BAZ2A: variants seen among roughly 807,000 people sequenced by gnomAD.
BAZ2A encodes bromodomain adjacent to zinc finger domain protein 2A.
Under a neutral mutation model 199.9 loss-of-function variants are expected in BAZ2A, and 34 were observed. The ratio of observed to expected loss-of-function variants is 0.17; its 90% CI spans 0.13 to 0.23. The LOEUF (loss-of-function observed/expected upper bound fraction) is 0.23, where lower values mean the gene tolerates loss of function less well. BAZ2A is among the 10% of genes least tolerant of loss of function. The probability of loss-of-function intolerance (pLI) is 1.00; values close to 1 mark genes in which losing one functional copy is unlikely to be tolerated. For synonymous variants in BAZ2A, 857 were observed against 883.9 expected (o/e 0.97, Z 0.54); for missense variants, 2,002 against 2,391.1 (o/e 0.84, Z 3.39).
chr12:56,622,201 G>A (rs964000677), intron 1 of BAZ2A, among the ~76,000 whole-genome samples: 1 of 152,100 alleles, frequency 6.6e-6, no homozygotes, highest in Non-Finnish European at 1.5e-5. Flanking sequence ...TTAGCTGGGC[G>A]TGGTGGCGGG....
rs1305972151 is a variant in BAZ2A at position 56,599,348 on chromosome 12, C to G, written c.5183G>C (p.Gly1728Ala). The G allele has an allele frequency of 6.2e-7, 1 of 1,612,778 alleles. No homozygotes were observed. Among genetic ancestry groups the G allele is most frequent in the Non-Finnish European group, 8.5e-7 (1 of 1,179,646 alleles). Residue 1728 changes from glycine (G) to alanine (A), a missense_variant, in exon 27 of 29, where the codon GGA (glycine) becomes GCA (alanine). Around this residue, in one of 6 missense-constraint regions of BAZ2A, gnomAD observed 122 missense variants for 123.0 expected, o/e 0.99. Transcript: ENST00000549884. ...GAAACCAGGCTTCTGAGTGAATTCT[C>G]CCTCCACCTGCTTAGTATAGGAAAC... ...CTVCLAQQVEGEFTQKPGFPK... is the reference protein window; with the variant it reads ...CTVCLAQQVEAEFTQKPGFPK...
In BAZ2A at chr12:56,599,294, C is replaced by T. The variant is rs200068250; in HGVS notation, c.5237G>A (p.Gly1746Asp). ...ACCCTCTGAGAAGTTCAGCGAATAA[C>T]CACTTTTCCGCTTCTGGCCACGCTT... Reference protein sequence around the residue: ...FPKRGQKRKSGYSLNFSEGDG... With the variant: ...FPKRGQKRKSDYSLNFSEGDG... Residue 1746 changes from glycine to aspartate, a missense_variant, in exon 27 of 29, where the codon GGT (glycine) becomes GAT (aspartate). Physicochemically the swap from Gly to Asp is moderately conservative, Grantham distance 94. Transcript: ENST00000549884. 2.4e-4 allele frequency: 386 copies of T among 1,613,682 alleles called. 2 individuals carry two copies. The African/African-American group carries it at 3.8e-3, about 16-fold the overall frequency.
intron 2 of BAZ2A, among the ~76,000 whole-genome samples, chr12:56,616,324 G>C: frequency 6.6e-6 from 1 of 152,138 alleles, no homozygotes; most frequent in Non-Finnish European, 1.5e-5. Context: ...TTCGCTAGGG[G>C]CCCCCTTTCC....
chr12:56,610,476 C>G lies in BAZ2A; in HGVS notation c.1712G>C (p.Trp571Ser), dbSNP rs1245306256. Reference sequence around the variant, plus strand: ...GCCATAATACCAGGTCTCCCCCTGCCATCGGTGGCTGCCCTTCTTGATGCG... The same window carrying G: ...GCCATAATACCAGGTCTCCCCCTGCGATCGGTGGCTGCCCTTCTTGATGCG... ...EVRIKKGSHR[W>S]QGETWYYGPC... The change falls in exon 8 of 29, where the codon TGG becomes TCG. Residue 571 changes from tryptophan (W) to serine (S), a missense_variant. Trp to Ser is a radical substitution (Grantham distance 177). Around this residue, in one of 6 missense-constraint regions of BAZ2A, gnomAD observed 641 missense variants for 694.5 expected, o/e 0.92. Transcript: ENST00000549884. 1 of 1,613,744 alleles carries G rather than the reference C, an allele frequency of 6.2e-7. No homozygotes were observed. The highest frequency in any genetic ancestry group is 8.5e-7 in the Non-Finnish European group (1 of 1,179,790).
chr12:56,618,104 C>T (rs147656594), intron 1 of BAZ2A, among the ~76,000 whole-genome samples: 4 of 152,250 alleles, frequency 2.6e-5, no homozygotes, highest in African/African-American at 9.6e-5. Flanking sequence ...AAGGAGAATA[C>T]ATTTCAGGAA....
Position 56,606,266 on chromosome 12 carries a change from T to A in BAZ2A, c.2240A>T (p.Glu747Val). 1 of 1,614,038 alleles carries A rather than the reference T, an allele frequency of 6.2e-7. No homozygotes were observed. ...ACCTACCTTGGATTTCTTCTTAGCT[T>A]CCTTCTGCTTTAAGCTCTTGGTCTC... ...KQETKSLKQK[E>V]AKKKSKAEKE... Residue 747 changes from glutamate (E) to valine (V), a missense_variant, in exon 12 of 29, where the codon GAA becomes GTA. Around this residue, in one of 6 missense-constraint regions of BAZ2A, gnomAD observed 1,081 missense variants for 1,274.7 expected, o/e 0.85. Coordinates refer to ENST00000549884, the MANE Select transcript of BAZ2A (RefSeq NM_001300905.2).
chr12:56,604,353 G>A (rs1327239159), intron 15 of BAZ2A, 62 bp from the exon 16 acceptor site: 1 of 1,502,194 alleles, frequency 6.7e-7, no homozygotes, highest in Non-Finnish European at 9.1e-7. Flanking sequence ...GAGGCTCAAG[G>A]GTAAAGGGGC....
chr12:56,617,408 G>C lies in BAZ2A; in HGVS notation c.123C>G (p.Pro41=). The change falls in exon 2 of 29, where the codon CCC becomes CCG. Residue 41 remains proline, a synonymous_variant. Coordinates refer to ENST00000549884, the MANE Select transcript of BAZ2A (RefSeq NM_001300905.2). ...CCTCACACTCACTTTTCCCTTGCTG[G>C]GGGAAGTTCATGGGAGACCCGTTAG... ...LYTNGSPMNF[P]QQGKSLNGDV... 1 of 1,601,224 alleles carries C rather than the reference G, an allele frequency of 6.2e-7. No homozygotes were observed. Among genetic ancestry groups the C allele is most frequent in the Non-Finnish European group, 8.5e-7 (1 of 1,174,030 alleles).
chr12:56,614,437 G>A (rs1474048981), intron 3 of BAZ2A: 2 of 317,458 alleles, frequency 6.3e-6, no homozygotes, highest in Non-Finnish European at 1.2e-5. Flanking sequence ...TAATTTTACA[G>A]AGTGGTGGTT....
upstream of BAZ2A, chr12:56,638,112 T>C (rs956920031): frequency 5.9e-6 from 3 of 512,716 alleles, no homozygotes; most frequent in African/African-American, 3.9e-5. Context: ...TCTCTAAAAC[T>C]AAAATTAAAT....
intron 1 of BAZ2A, chr12:56,621,338 T>A (rs1950916085): frequency 1.1e-6 from 1 of 880,516 alleles, no homozygotes; most frequent in Non-Finnish European, 1.4e-6. Context: ...TTAAAAAGAA[T>A]GGGAAGTTAT....
chr12:56,614,863 C>T, intron 3 of BAZ2A, 151 bp downstream of exon 3: 1 of 803,700 alleles, frequency 1.2e-6, no homozygotes, highest in Non-Finnish European at 2.0e-6. Context: ...AAACACCAGC[C>T]ACTTGGCTCT....
Position 56,599,828 on chromosome 12 carries a change from C to T in BAZ2A, c.5046G>A (p.Lys1682=). The T allele has an allele frequency of 6.2e-7, 1 of 1,614,022 alleles. No individual in the cohort carries two copies. Among genetic ancestry groups the T allele is most frequent in the Non-Finnish European group, 8.5e-7 (1 of 1,179,896 alleles). ...VNKVTCLVCR[K]GDNDEFLLLC... is the part of the protein sequence containing the mutation. Reference sequence around the variant, plus strand: ...GCAGAAGAAACTCATCATTGTCACCCTTCCGGCAGACTAGACATGTCTGGA... The same window carrying T: ...GCAGAAGAAACTCATCATTGTCACCTTTCCGGCAGACTAGACATGTCTGGA... The change falls in exon 26 of 29, where the codon AAG becomes AAA. Residue 1682 remains lysine, a synonymous_variant. Transcript: ENST00000549884.
chr12:56,610,415 C>T lies in BAZ2A; in HGVS notation c.1773G>A (p.Val591=). The T allele has an allele frequency of 6.2e-7, 1 of 1,613,672 alleles. No individual in the cohort carries two copies. The highest frequency in any genetic ancestry group is 8.5e-7 in the Non-Finnish European group (1 of 1,179,756). ...CGKRMKQFPE[V]IKYLSRNVVH... The stretch of plus-strand genomic sequence containing the variant: ...TTAAAAAAAGCTACATTACCTTGAT[C>T]ACTTCTGGAAATTGCTTCATCCTCT... Residue 591 remains valine (V), a synonymous_variant, in exon 8 of 29, where the codon GTG becomes GTA. Coordinates refer to ENST00000549884, the MANE Select transcript of BAZ2A (RefSeq NM_001300905.2).
intron 12 of BAZ2A, 34 bp from the exon 13 acceptor site, chr12:56,606,097 A>G (rs904897286): frequency 6.4e-7 from 1 of 1,550,588 alleles, no homozygotes; most frequent in Non-Finnish European, 8.7e-7. Context: ...AGACTGCCAT[A>G]AAGATATCAG....
chr12:56,616,658 A>G (rs12318580), intron 2 of BAZ2A, among the ~76,000 whole-genome samples: 6,539 of 152,296 alleles, frequency 0.043, 469 homozygotes, highest in African/African-American at 0.15. Flanking sequence ...AATGAAATAA[A>G]GGAGCTTCTA....
In BAZ2A at chr12:56,604,277, G is replaced by T. The variant is rs1950274790; in HGVS notation, c.2978C>A (p.Thr993Asn). ...CCTGTAGCTGGACATACTCTCCAGA[G>T]TCTTGTCAATCTCACTGCAGGGGAA... The part of the protein sequence containing the change: ...STLIINEIDK[T>N]LESMSSYRKN... The change falls in exon 16 of 29, where the codon ACT becomes AAT. Residue 993 changes from threonine to asparagine, a missense_variant. By Grantham distance (65) the Thr-to-Asn change is moderately conservative. Coordinates refer to ENST00000549884, the MANE Select transcript of BAZ2A (RefSeq NM_001300905.2). 6.2e-7 allele frequency: 1 copy of T among 1,608,370 alleles called. No homozygotes were observed. Among genetic ancestry groups the T allele is most frequent in the Non-Finnish European group, 8.5e-7 (1 of 1,177,224 alleles).
In BAZ2A at chr12:56,600,033, T is replaced by C; in HGVS notation, c.4956A>G (p.Ala1652=). Residue 1652 remains alanine, a synonymous_variant, in exon 25 of 29, where the codon GCA becomes GCG. Transcript: ENST00000549884. The stretch of plus-strand genomic sequence containing the variant: ...GGCCCAGGCACAAGCACACCTGGGC[T>C]GCGCTCCGGCACCGCTCGAGGGTCT... ...WRQTLERCRS[A]AQVCLCLGQL... The C allele has an allele frequency of 6.2e-7, 1 of 1,614,042 alleles. No individual in the cohort carries two copies.
At chr12:56,622,319 G>A (rs1345763700) in intron 1 of BAZ2A, among the ~76,000 whole-genome samples, 5 of 151,848 alleles carry the variant, frequency 3.3e-5, no homozygotes, top group Admixed American at 6.6e-5. Flanking sequence ...TAGCCTGGGT[G>A]ACAGAGCAAC....
Sources: gnomAD v4.1 joint callset for allele counts (sites outside exome capture counted in the v4.1 genomes callset) on GRCh38, gnomAD v4.1.1 for gene constraint, gnomAD v4.1.1 regional missense constraint, MANE v1.5 for transcripts, NCBI Gene and HGNC (gene_info 2026-07-23, HGNC 2026-07-21) for gene names.